The following SLC6A11 variants were observed in gnomAD, a reference collection of about 807,000 sequenced individuals.
SLC6A11 encodes the protein sodium- and chloride-dependent GABA transporter 3.
Under a neutral mutation model 74.8 loss-of-function variants are expected in SLC6A11, and 25 were observed. That is an observed-to-expected ratio of 0.33 (90% CI 0.24 to 0.47). The LOEUF (loss-of-function observed/expected upper bound fraction) is 0.47, where lower values mean the gene tolerates loss of function less well. Among genes scored for constraint, SLC6A11 ranks in the 20% least tolerant of loss-of-function variants. The pLI is 1.00. For synonymous variants in SLC6A11, 330 were observed against 330.2 expected (o/e 1.00, Z 0.01); for missense variants, 574 against 837.0 (o/e 0.69, Z 3.88).
chr3:10,851,989 AG>A (rs1279099614), intron 5 of SLC6A11, among the ~76,000 whole-genome samples: 1 of 152,260 alleles, frequency 6.6e-6, no homozygotes, highest in Non-Finnish European at 1.5e-5. Context: ...CTTATTCTAC[AG>A]GAGCACCCTA....
intron 6 of SLC6A11, among the ~76,000 whole-genome samples, chr3:10,875,762 G>A (rs920256206): frequency 6.6e-6 from 1 of 152,178 alleles, no homozygotes; most frequent in Non-Finnish European, 1.5e-5. Flanking sequence ...ACATGGTGGT[G>A]TGCCCTGGAA....
intron 4 of SLC6A11, among the ~76,000 whole-genome samples, chr3:10,827,968 A>G (rs983565131): frequency 3.3e-5 from 5 of 152,196 alleles, no homozygotes; most frequent in African/African-American, 1.2e-4. Context: ...CTACAGGGCC[A>G]GGGATGCTTG....
chr3:10,823,540 A>G (rs1469991484), intron 4 of SLC6A11, 148 bp downstream of exon 4: 2 of 629,446 alleles, frequency 3.2e-6, no homozygotes, highest in African/African-American at 3.6e-5. Flanking sequence ...CAGCTTCGGA[A>G]GCAAGAGTGC....
intron 13 of SLC6A11, among the ~76,000 whole-genome samples, chr3:10,937,976 G>A (rs533327926): frequency 2.0e-5 from 3 of 152,262 alleles, no homozygotes; most frequent in African/African-American, 2.4e-5. Context: ...AGCCAGGTGC[G>A]AGGCTAAGCA....
intron 10 of SLC6A11, among the ~76,000 whole-genome samples, chr3:10,929,601 G>C (rs1194264776): frequency 6.6e-6 from 1 of 152,180 alleles, no homozygotes; most frequent in Non-Finnish European, 1.5e-5. Context: ...GGGAACGCTG[G>C]GTTGATCTGT....
chr3:10,895,477 C>A (rs1559574961), intron 6 of SLC6A11, among the ~76,000 whole-genome samples: 1 of 152,120 alleles, frequency 6.6e-6, no homozygotes, highest in African/African-American at 2.4e-5. Context: ...AAGCCATTAT[C>A]CTCAGCAAAC....
At chr3:10,931,309 C>G (rs1443504101) in intron 10 of SLC6A11, among the ~76,000 whole-genome samples, 2 of 152,186 alleles carry the variant, frequency 1.3e-5, no homozygotes, top group African/African-American at 4.8e-5. Context: ...AGCGGTTTAA[C>G]ACAGCCTGCT....
At chr3:10,882,441 C>T (rs145222483) in intron 6 of SLC6A11, among the ~76,000 whole-genome samples, 5 of 152,280 alleles carry the variant, frequency 3.3e-5, no homozygotes, top group Non-Finnish European at 5.9e-5. Flanking sequence ...TCATCACCAT[C>T]GCAGATGCCA....
chr3:10,934,253 G>A (rs552199224), intron 12 of SLC6A11, 87 bp downstream of exon 12: 10 of 901,586 alleles, frequency 1.1e-5, no homozygotes, highest in Non-Finnish European at 1.8e-5. Flanking sequence ...CCCCCACCCT[G>A]GCCGAGGCTG....
chr3:10,822,229 G>A (rs866635755), intron 3 of SLC6A11, among the ~76,000 whole-genome samples: 6 of 152,206 alleles, frequency 3.9e-5, no homozygotes, highest in African/African-American at 9.7e-5. Context: ...GAAGCCAGCC[G>A]GGCTCCTGCT....
At chr3:10,847,940 G>C (rs534049007) in intron 5 of SLC6A11, among the ~76,000 whole-genome samples, 1 of 152,244 alleles carries the variant, frequency 6.6e-6, no homozygotes, top group African/African-American at 2.4e-5. Context: ...TTTTCACAAG[G>C]CTGTTCGAGT....
In SLC6A11 at chr3:10,816,555, CCAACCGCCCGGTGGGGGCGG is replaced by C; in HGVS notation, c.256+35_256+54del. 1 of 1,532,042 alleles carries C rather than the reference CCAACCGCCCGGTGGGGGCGG, an allele frequency of 6.5e-7. No homozygotes were observed. Among genetic ancestry groups the C allele is most frequent in the Non-Finnish European group, 8.8e-7 (1 of 1,137,928 alleles). 94.9% of individuals were successfully genotyped at this position (1,532,042 alleles called of 1,614,324 possible). On this transcript the variant is annotated intron_variant, in intron 1 of 13. Coordinates refer to ENST00000254488, the MANE Select transcript of SLC6A11 (RefSeq NM_014229.3). The surrounding 1 kb of genome is among the most constrained non-coding windows in gnomAD (Gnocchi z 4.2). The stretch of plus-strand genomic sequence containing the variant: ...ATAGTGAGGAGAAGGGGAGGGGGCG[CCAACCGCCCGGTGGGGGCGG>C]GGAGCCAGGGGCGAGCGCGAGACCC...
chr3:10,856,607 C>T (rs1017433077), intron 5 of SLC6A11, among the ~76,000 whole-genome samples: 1 of 152,194 alleles, frequency 6.6e-6, no homozygotes, highest in African/African-American at 2.4e-5. Flanking sequence ...GAACCCAAAA[C>T]TGGTGCGTTT....
chr3:10,917,092 G>C (rs1455459574), intron 7 of SLC6A11, among the ~76,000 whole-genome samples: 1 of 152,162 alleles, frequency 6.6e-6, no homozygotes, highest in African/African-American at 2.4e-5. Flanking sequence ...GTGTATTACA[G>C]ATTTCAAGCA....
chr3:10,853,157 C>T (rs773942366), intron 5 of SLC6A11, among the ~76,000 whole-genome samples: 5 of 152,190 alleles, frequency 3.3e-5, no homozygotes, highest in Non-Finnish European at 5.9e-5. Flanking sequence ...GTGAGCCTGG[C>T]AGCCAGGGTG....
At chr3:10,899,039 C>T (rs1191334004) in intron 6 of SLC6A11, among the ~76,000 whole-genome samples, 2 of 152,200 alleles carry the variant, frequency 1.3e-5, no homozygotes, top group Non-Finnish European at 2.9e-5. Context: ...CATCAGATCT[C>T]ATGAGATTTA....
intron 5 of SLC6A11, among the ~76,000 whole-genome samples, chr3:10,844,832 TG>T (rs1694483254): frequency 1.3e-5 from 2 of 152,176 alleles, no homozygotes. Flanking sequence ...CTGTGCCACC[TG>T]TACCATGCAG....
At chr3:10,817,194 G>A (rs1056294653) in intron 1 of SLC6A11, among the ~76,000 whole-genome samples, 4 of 152,138 alleles carry the variant, frequency 2.6e-5, no homozygotes, top group Admixed American at 2.0e-4. Flanking sequence ...CATTTCTAGG[G>A]CCAATATTTG....
intron 6 of SLC6A11, among the ~76,000 whole-genome samples, chr3:10,887,378 A>G (rs1278571590): frequency 6.6e-6 from 1 of 152,190 alleles, no homozygotes; most frequent in East Asian, 1.9e-4. Context: ...GAACATAGAC[A>G]ATCAGAGAAG....
Sources: gnomAD v4.1 joint callset for allele counts (sites outside exome capture counted in the v4.1 genomes callset) on GRCh38, gnomAD v4.1.1 for gene constraint, Gnocchi (gnomAD v3.1) non-coding constraint, MANE v1.5 for transcripts, NCBI Gene and HGNC (gene_info 2026-07-23, HGNC 2026-07-21) for gene names.